The following TCF7 variants were observed in gnomAD, a reference collection of about 807,000 sequenced individuals.
TCF7 encodes transcription factor 7, also known as T-cell-factor-7.
In TCF7, 19 loss-of-function variants were observed where a neutral mutation model predicts 46.8. The ratio of observed to expected loss-of-function variants is 0.41; its 90% CI spans 0.28 to 0.60. TCF7 has a LOEUF of 0.60. TCF7 is among the 20% of genes least tolerant of loss of function. The pLI, the probability that TCF7 is intolerant of heterozygous loss-of-function variation, is 0.35. For missense variants in TCF7, 547 were observed against 504.6 expected (o/e 1.08, Z -0.81); for synonymous variants, 245 against 213.4 (o/e 1.15, Z -1.29).
At chr5:134,138,216 A>G (rs1759199031) in intron 4 of TCF7, 52 bp downstream of exon 4, 7 of 1,536,944 alleles carry the variant, frequency 4.6e-6, no homozygotes, top group Admixed American at 3.4e-5. Context: ...CTAAGGGCCA[A>G]GACCCCAGCT....
rs774938434 is a variant in TCF7 at position 134,142,191 on chromosome 5, C to T, written c.642C>T (p.Thr214=). ...GQLPHTVSWF[T]HPSLMLGSGV... is the part of the protein sequence containing the mutation. ...ACTTTCTTCCTGCCTCCAGGTTCAC[C>T]CACCCATCCTTGATGCTAGGTTCTG... Residue 214 remains threonine (T), a synonymous_variant, in exon 6 of 10, where the codon ACC becomes ACT. Coordinates refer to ENST00000342854, the MANE Select transcript of TCF7 (RefSeq NM_003202.5). 14 of 1,613,850 alleles carry T rather than the reference C, an allele frequency of 8.7e-6. No individual in the cohort carries two copies. The highest frequency in any genetic ancestry group is 1.1e-5 in the Non-Finnish European group (13 of 1,179,886).
chr5:134,132,897 C>G (rs753683047), intron 3 of TCF7, among the ~76,000 whole-genome samples: 1 of 152,114 alleles, frequency 6.6e-6, no homozygotes, highest in African/African-American at 2.4e-5. Flanking sequence ...CAAGAAGGCA[C>G]GCAGGAGCAC....
At chr5:134,124,239 T>C (rs144356367) in intron 3 of TCF7, among the ~76,000 whole-genome samples, 2 of 152,256 alleles carry the variant, frequency 1.3e-5, no homozygotes, top group African/African-American at 2.4e-5. Context: ...GTTCAGGCAG[T>C]TTGCTGTCCT....
intron 5 of TCF7, chr5:134,140,740 T>C (rs1041663780): frequency 2.2e-6 from 1 of 453,278 alleles, no homozygotes; most frequent in Non-Finnish European, 4.4e-6. Flanking sequence ...TAGGGAAGTC[T>C]TTCCTCGTGT....
intron 3 of TCF7, among the ~76,000 whole-genome samples, chr5:134,124,457 C>T (rs911651691): frequency 6.6e-6 from 1 of 152,162 alleles, no homozygotes; most frequent in African/African-American, 2.4e-5. Context: ...GTCTCTGTCC[C>T]TTGCTGGATA....
intron 3 of TCF7, among the ~76,000 whole-genome samples, chr5:134,131,733 G>A (rs538968548): frequency 6.6e-6 from 1 of 152,396 alleles, no homozygotes; most frequent in Non-Finnish European, 1.5e-5. Flanking sequence ...CTGCCAGCTA[G>A]GCTGGTGGCA....
At chr5:134,137,963 TTTTC>T (rs1311291479) in intron 3 of TCF7, 92 bp from the exon 4 acceptor site, 104 of 1,093,708 alleles carry the variant, frequency 9.5e-5, no homozygotes, top group Non-Finnish European at 1.3e-4. Context: ...TGGCCACCAC[TTTTC>T]TTTGACAGCT....
chr5:134,136,409 C>T (rs1395356473), intron 3 of TCF7, among the ~76,000 whole-genome samples: 1 of 152,152 alleles, frequency 6.6e-6, no homozygotes, highest in African/African-American at 2.4e-5. Flanking sequence ...TTATGTAAGG[C>T]TCCTCCCGGT....
chr5:134,109,770 C>CAAAAAAAAAAAAAAAAAAAAAA (rs59510685), upstream of TCF7, among the ~76,000 whole-genome samples: 16 of 140,312 alleles, frequency 1.1e-4, no homozygotes, highest in African/African-American at 3.6e-4. Context: ...GGCTCCATCT[C>CAAAAAAAAAAAAAAAAAAAAAA]AAAAAAAAAA....
In TCF7 at chr5:134,146,814, C is replaced by G. The variant is rs988871859; in HGVS notation, c.*511C>G. The G allele has an allele frequency of 4.9e-5, 22 of 450,914 alleles. No individual in the cohort carries two copies. The highest frequency in any genetic ancestry group is 7.5e-5 in the Non-Finnish European group (19 of 253,038). 27.9% of individuals were successfully genotyped at this position (450,914 alleles called of 1,614,324 possible). The stretch of plus-strand genomic sequence containing the variant: ...TGTCTTGCCAGCCAGAAGCCTCTGC[C>G]TCCCTAGCTTTTCTGCTATAGGTCA... On this transcript the variant is annotated 3_prime_UTR_variant, in exon 10 of 10. Coordinates refer to ENST00000342854, the MANE Select transcript of TCF7 (RefSeq NM_003202.5).
In TCF7 at chr5:134,148,178, TTAAACATGAGAA is replaced by T. The variant is rs1337054075; in HGVS notation, c.*1880_*1891del. 6.6e-6 allele frequency: 1 copy of T among 152,636 alleles called. No individual in the cohort carries two copies. 9.5% of individuals were successfully genotyped at this position (152,636 alleles called of 1,614,324 possible). On this transcript the variant is annotated 3_prime_UTR_variant, in exon 10 of 10. Transcript: ENST00000342854. ...TTAATGCATCATCATAGAAAAACTT[TTAAACATGAGAA>T]TAAAGATACTTTTTACTGGGTTTGT...
In TCF7 at chr5:134,115,376, C is replaced by T. The variant is rs767806611; in HGVS notation, c.305C>T (p.Pro102Leu). Residue 102 changes from proline (P) to leucine (L), a missense_variant, in exon 2 of 10, where the codon CCC becomes CTC. This residue lies in a region of TCF7 where 425 missense variants were observed against 349.9 expected (regional missense o/e 1.21). Transcript: ENST00000342854. ...QRLFPDKLPE[P>L]LEDGLKAPEC... ...CTCTTCCCGGACAAACTTCCAGAGC[C>T]CCTGGAGGACGGTGAGTTTCTGCCC... is the stretch of plus-strand genomic sequence containing the variant. The T allele has an allele frequency of 5.0e-6, 8 of 1,602,438 alleles. No individual in the cohort carries two copies. The highest frequency in any genetic ancestry group is 6.8e-6 in the Non-Finnish European group (8 of 1,175,262).
chr5:134,145,021 T>C (rs137975486), intron 9 of TCF7: 2 of 699,856 alleles, frequency 2.9e-6, no homozygotes, highest in African/African-American at 3.5e-5. Context: ...AGAATAGTAG[T>C]AAATACTGAA....
intron 3 of TCF7, among the ~76,000 whole-genome samples, chr5:134,127,998 G>A (rs1039902532): frequency 2.6e-5 from 4 of 152,248 alleles, no homozygotes; most frequent in African/African-American, 4.8e-5. Context: ...AGACCTGGAT[G>A]TTTTACAATG....
intron 9 of TCF7, chr5:134,144,374 A>AT (rs1223792564): frequency 4.3e-6 from 1 of 232,198 alleles, no homozygotes; most frequent in African/African-American, 2.3e-5. Flanking sequence ...CCTTGAAGGA[A>AT]TGTAGGTCAA....
intron 3 of TCF7, among the ~76,000 whole-genome samples, chr5:134,120,576 C>G (rs1301490388): frequency 4.6e-5 from 7 of 152,174 alleles, no homozygotes; most frequent in Non-Finnish European, 8.8e-5. Context: ...AGGACTCTTG[C>G]ACTGCTTCCC....
chr5:134,139,531 G>A (rs573812406), intron 5 of TCF7: 179 of 155,372 alleles, frequency 1.2e-3, no homozygotes, highest in African/African-American at 3.5e-3. Flanking sequence ...CCCCTGTGGT[G>A]CCTGCTTAAG....
intron 2 of TCF7, 137 bp downstream of exon 2, chr5:134,115,524 A>AG (rs1209878195): frequency 1.4e-6 from 2 of 1,446,816 alleles, no homozygotes; most frequent in Middle Eastern, 2.6e-4. Context: ...AGGGGTGGAG[A>AG]GTGGGGGGCG....
intron 3 of TCF7, among the ~76,000 whole-genome samples, chr5:134,125,000 C>T (rs1397744064): frequency 5.3e-5 from 8 of 152,186 alleles, no homozygotes; most frequent in Admixed American, 5.2e-4. Context: ...AATCTGTGAA[C>T]CTCTCTAGGT....
Sources: allele counts gnomAD v4.1 joint callset (sites outside exome capture counted in the v4.1 genomes callset), GRCh38; gene constraint gnomAD v4.1.1; regional missense constraint gnomAD v4.1.1; transcripts MANE v1.5; gene names NCBI Gene and HGNC (gene_info 2026-07-23, HGNC 2026-07-21).